PCNX2: variants seen among roughly 807,000 people sequenced by gnomAD.
PCNX2 encodes the protein pecanex 2.
Under a neutral mutation model 223.8 loss-of-function variants are expected in PCNX2, and 168 were observed. The ratio of observed to expected loss-of-function variants is 0.75; its 90% CI spans 0.66 to 0.85. The LOEUF is 0.85. PCNX2 is among the 40% of genes least tolerant of loss of function. The pLI, the probability that PCNX2 is intolerant of heterozygous loss-of-function variation, is 0.00. For synonymous variants in PCNX2, 1,006 were observed against 1,052.6 expected (o/e 0.96, Z 0.86); for missense variants, 2,507 against 2,675.5 (o/e 0.94, Z 1.39).
intron 15 of PCNX2, among the ~76,000 whole-genome samples, chr1:233,188,847 T>G (rs1488187891): frequency 6.6e-6 from 1 of 152,126 alleles, no homozygotes; most frequent in Admixed American, 6.5e-5. Flanking sequence ...AAATTTTAAT[T>G]TAAGTTAAAG....
At chr1:233,033,725 C>CA (rs1671349835) in intron 25 of PCNX2, among the ~76,000 whole-genome samples, 1 of 152,198 alleles carries the variant, frequency 6.6e-6, no homozygotes. Context: ...GTAGTCAAAA[C>CA]AAGTCAGCCT....
Position 233,259,097 on chromosome 1 carries a change from C to T in PCNX2, c.765G>A (p.Lys255=), listed in dbSNP as rs1389158735. The change falls in exon 5 of 34, where the codon AAG becomes AAA. Residue 255 remains lysine, a synonymous_variant. Coordinates refer to ENST00000258229, the MANE Select transcript of PCNX2 (RefSeq NM_014801.4). The part of the protein sequence containing the change: ...GGLVDKGPLK[K]LPHLSLSQYD... The stretch of plus-strand genomic sequence containing the variant: ...ACTGAGACAAAGACAGGTGGGGCAA[C>T]TTCTTCAAGGGTCCCTTATCCACTA... 6.2e-7 allele frequency: 1 copy of T among 1,613,844 alleles called. No homozygotes were observed. The highest frequency in any genetic ancestry group is 8.5e-7 in the Non-Finnish European group (1 of 1,179,902).
intron 23 of PCNX2, among the ~76,000 whole-genome samples, chr1:233,067,476 A>C (rs560768962): frequency 2.3e-4 from 34 of 149,606 alleles, no homozygotes; most frequent in Non-Finnish European, 3.0e-4. Flanking sequence ...AAAATACAGT[A>C]ACTAATTTTT....
chr1:233,221,395 C>A (rs1372941134), intron 10 of PCNX2, among the ~76,000 whole-genome samples: 1 of 151,472 alleles, frequency 6.6e-6, no homozygotes, highest in Non-Finnish European at 1.5e-5. Context: ...AAAAAAAAAA[C>A]CTTTTTCTGT....
intron 21 of PCNX2, among the ~76,000 whole-genome samples, chr1:233,117,398 G>A (rs1394418823): frequency 2.0e-5 from 3 of 150,772 alleles, no homozygotes; most frequent in African/African-American, 4.9e-5. Context: ...TTGGGAGGCC[G>A]AGGCAGGCAG....
chr1:233,167,153 C>G (rs1391136999), intron 17 of PCNX2, among the ~76,000 whole-genome samples: 1 of 152,110 alleles, frequency 6.6e-6, no homozygotes, highest in African/African-American at 2.4e-5. Flanking sequence ...TGTCTGTCAA[C>G]AGATAAATAA....
rs149631014 is a variant in PCNX2, at chr1:233,092,906, C to A, written c.3947-2716G>T. Among the ~76,000 whole-genome samples the A allele has an allele frequency of 4.6e-3, 704 of 152,300 alleles. 3 individuals carry two copies. Among genetic ancestry groups the A allele is most frequent in the Admixed American group, 0.01 (155 of 15,306 alleles). Reference sequence around the variant, plus strand: ...CTCCGCCTCCCAGGTTCAAGCGATTCTCTTGCCTCAGCCTCCCCAGTAGCT... The same window carrying A: ...CTCCGCCTCCCAGGTTCAAGCGATTATCTTGCCTCAGCCTCCCCAGTAGCT... On this transcript the variant is annotated intron_variant, in intron 22 of 33. Transcript: ENST00000258229.
chr1:233,064,536 G>C (rs868713975), intron 23 of PCNX2, among the ~76,000 whole-genome samples: 3 of 152,170 alleles, frequency 2.0e-5, no homozygotes, highest in African/African-American at 7.2e-5. Flanking sequence ...TGCTTCTGTA[G>C]GACTAACGCT....
intron 23 of PCNX2, among the ~76,000 whole-genome samples, chr1:233,067,051 C>T (rs1672640004): frequency 6.6e-6 from 1 of 151,970 alleles, no homozygotes; most frequent in Admixed American, 6.6e-5. Context: ...GACTTCTAAC[C>T]CCATCTGAAA....
chr1:232,984,144 TGAG>T lies in PCNX2; in HGVS notation c.*157_*159del. 6.2e-6 allele frequency: 1 copy of T among 161,710 alleles called. No individual in the cohort carries two copies. Among genetic ancestry groups the T allele is most frequent in the Non-Finnish European group, 1.2e-5 (1 of 83,828 alleles). The allele number at this position is 161,710 out of a possible 1,614,324, so 10.0% of individuals were successfully genotyped here. On this transcript the variant is annotated 3_prime_UTR_variant, in exon 34 of 34. Coordinates refer to ENST00000258229, the MANE Select transcript of PCNX2 (RefSeq NM_014801.4). ...TTTTTTTTTTTTTTTTTCAAAAACC[TGAG>T]ATCAGTTCTGTGTTCTGGAACAGCT...
chr1:233,259,636 C>T (rs1659944257), intron 4 of PCNX2, among the ~76,000 whole-genome samples: 1 of 152,062 alleles, frequency 6.6e-6, no homozygotes, highest in African/African-American at 2.4e-5. Flanking sequence ...CCCCCCACCT[C>T]TGACAGGCCC....
intron 21 of PCNX2, among the ~76,000 whole-genome samples, chr1:233,100,991 C>T (rs961515100): frequency 2.6e-5 from 4 of 152,258 alleles, no homozygotes; most frequent in Non-Finnish European, 5.9e-5. Context: ...TGAATGGCAT[C>T]GCAGAAACTG....
chr1:233,051,025 A>G (rs1335618273), intron 25 of PCNX2, among the ~76,000 whole-genome samples: 1 of 152,214 alleles, frequency 6.6e-6, no homozygotes, highest in East Asian at 1.9e-4. Context: ...ATATGAAGAG[A>G]TACTTCTCAA....
chr1:233,221,016 T>C (rs1657343374), intron 10 of PCNX2, among the ~76,000 whole-genome samples: 1 of 152,136 alleles, frequency 6.6e-6, no homozygotes. Flanking sequence ...GCCTTGGGCC[T>C]CCTAAACAAG....
At chr1:233,178,323 T>G (rs1290951233) in intron 16 of PCNX2, among the ~76,000 whole-genome samples, 1 of 152,228 alleles carries the variant, frequency 6.6e-6, no homozygotes, top group Non-Finnish European at 1.5e-5. Flanking sequence ...GGCCTAAAAT[T>G]ATGGTGTCTC....
chr1:233,215,567 C>T (rs1319613354), intron 12 of PCNX2, among the ~76,000 whole-genome samples: 1 of 152,154 alleles, frequency 6.6e-6, no homozygotes. Context: ...GCTGTACTTG[C>T]CATCCACCTT....
intron 21 of PCNX2, among the ~76,000 whole-genome samples, chr1:233,129,484 C>T (rs1469524670): frequency 1.3e-5 from 2 of 152,234 alleles, no homozygotes. Context: ...CAACCAATCG[C>T]CCAAGGGCTG....
chr1:233,121,804 C>A (rs1459644533), intron 21 of PCNX2, among the ~76,000 whole-genome samples: 1 of 152,052 alleles, frequency 6.6e-6, no homozygotes, highest in African/African-American at 2.4e-5. Flanking sequence ...TAGTTTAATG[C>A]CGATACAGGT....
At chr1:233,234,367 G>A (rs897607941) in intron 9 of PCNX2, among the ~76,000 whole-genome samples, 6 of 151,964 alleles carry the variant, frequency 3.9e-5, no homozygotes, top group African/African-American at 1.5e-4. Context: ...AGCAATCTTC[G>A]TTTTTCCTCC....
Sources: gnomAD v4.1 joint callset for allele counts (sites outside exome capture counted in the v4.1 genomes callset) on GRCh38, gnomAD v4.1.1 for gene constraint, MANE v1.5 for transcripts, NCBI Gene and HGNC (gene_info 2026-07-23, HGNC 2026-07-21) for gene names.